Variants in RAB35 observed in about 807,000 individuals in gnomAD.
RAB35 encodes ras-related protein Rab-35.
RAB35 carries 4 observed loss-of-function variants against 28.9 expected under a neutral mutation model. The observed-to-expected ratio is 0.14, with a 90% CI of 0.07 to 0.32. The LOEUF (loss-of-function observed/expected upper bound fraction) is 0.32. RAB35 is among the 10% of genes least tolerant of loss of function. The pLI is 1.00. For missense variants in RAB35, 128 were observed against 274.0 expected (o/e 0.47, Z 3.76); for synonymous variants, 99 against 105.1 (o/e 0.94, Z 0.35).
At chr12:120,107,443 T>C in intron 2 of RAB35, among the ~76,000 whole-genome samples, 1 of 152,192 alleles carries the variant, frequency 6.6e-6, no homozygotes, top group East Asian at 1.9e-4. Flanking sequence ...AGGGGCACTT[T>C]CCACCCTTCA....
chr12:120,103,568 C>T lies in RAB35; in HGVS notation c.227+258G>A, dbSNP rs929493134. On this transcript the variant is annotated intron_variant, in intron 3 of 5. Coordinates refer to ENST00000229340, the MANE Select transcript of RAB35 (RefSeq NM_006861.7). The surrounding 1 kb of genome is among the most constrained non-coding windows in gnomAD (Gnocchi z 6.1). ...GTGGGCCGGAGGGTCGGCTGACTCTCCAAGGAGATAGAACATGGCCACTGT... is the reference window on the plus strand; with the variant it reads ...GTGGGCCGGAGGGTCGGCTGACTCTTCAAGGAGATAGAACATGGCCACTGT... 6.6e-6 allele frequency among the ~76,000 whole-genome samples: 1 copy of T among 152,232 alleles called. No individual in the cohort carries two copies. Among genetic ancestry groups the T allele is most frequent in the African/African-American group, 2.4e-5 (1 of 41,456 alleles).
chr12:120,104,693 G>C (rs1047736278), intron 2 of RAB35, among the ~76,000 whole-genome samples: 1 of 152,142 alleles, frequency 6.6e-6, no homozygotes, highest in Non-Finnish European at 1.5e-5. Context: ...GCCCAGGCTG[G>C]AGTGAAGTGG....
At position 120,097,031 on chromosome 12, in the gene RAB35, G is replaced by T. The variant is rs1361615895; in HGVS notation, c.*214C>A. On this transcript the variant is annotated 3_prime_UTR_variant, in exon 6 of 6. Transcript: ENST00000229340. ...GTCCAGGCGCCTTGGCCGGGGAGGA[G>T]GGGGCACCAGTAGGGAAGGGCGGGC... 3 of 1,518,860 alleles carry T rather than the reference G, an allele frequency of 2.0e-6. No individual in the cohort carries two copies. The highest frequency in any genetic ancestry group is 1.2e-5 in the South Asian group (1 of 83,404). The allele number at this position is 1,518,860 out of a possible 1,614,324, so 94.1% of individuals were successfully genotyped here.
chr12:120,107,214 C>T (rs1479689544), intron 2 of RAB35, among the ~76,000 whole-genome samples: 1 of 151,628 alleles, frequency 6.6e-6, no homozygotes. Context: ...GTCTCGAACT[C>T]CTGACCTCAT....
intron 3 of RAB35, among the ~76,000 whole-genome samples, chr12:120,102,163 G>A (rs1031212279): frequency 6.6e-6 from 1 of 152,220 alleles, no homozygotes; most frequent in South Asian, 2.1e-4. Flanking sequence ...TGAGTTAGGA[G>A]GCTTCATCCT....
chr12:120,105,411 CA>C (rs1427454775), intron 2 of RAB35, among the ~76,000 whole-genome samples: 2 of 152,126 alleles, frequency 1.3e-5, no homozygotes, highest in Non-Finnish European at 2.9e-5. Flanking sequence ...AAAGAATGAC[CA>C]GGGGGTAGGA....
At chr12:120,100,764 G>A (rs189077097) in intron 3 of RAB35, among the ~76,000 whole-genome samples, 13 of 152,334 alleles carry the variant, frequency 8.5e-5, no homozygotes, top group African/African-American at 2.9e-4. Flanking sequence ...TAGCTGTGAC[G>A]ATCAAGCTCT....
intron 4 of RAB35, 28 bp downstream of exon 4, chr12:120,099,002 C>G: frequency 6.2e-7 from 1 of 1,614,156 alleles, no homozygotes; most frequent in South Asian, 1.1e-5. Flanking sequence ...CCCACCCAAC[C>G]CCGACCCGGC....
In RAB35 at chr12:120,105,527, G is replaced by A. The variant is rs575379162; in HGVS notation, c.104-1578C>T. 2.2e-4 allele frequency among the ~76,000 whole-genome samples: 33 copies of A among 152,304 alleles called. No homozygotes were observed. In the South Asian group the frequency reaches 4.3e-3, roughly 20 times the overall value. On this transcript the variant is annotated intron_variant, in intron 2 of 5. Transcript: ENST00000229340. ...TCAGCAATGTCTGGAGGCATTTTTG[G>A]TTGTCACAGCAGGGGGAGGGAAGTG...
rs1308845019 is a variant in RAB35, at chr12:120,096,705, A to AG, written c.*539dup. ...AGGGAGCTGGCACAGGCCCCGGAGA[A>AG]GGGGCAAGACCCTGTGCAGCGGGGA... is the stretch of plus-strand genomic sequence containing the variant. On this transcript the variant is annotated 3_prime_UTR_variant, in exon 6 of 6. Transcript: ENST00000229340. 10 of 1,289,786 alleles carry AG rather than the reference A, an allele frequency of 7.8e-6. No individual in the cohort carries two copies. Among genetic ancestry groups the AG allele is most frequent in the Non-Finnish European group, 1.0e-5 (10 of 988,910 alleles). The allele number at this position is 1,289,786 out of a possible 1,614,324, so 79.9% of individuals were successfully genotyped here. A position where few individuals can be genotyped will look rare whatever the true frequency, so the allele number is the denominator to read the frequency against.
intron 1 of RAB35, among the ~76,000 whole-genome samples, chr12:120,114,169 C>T (rs1876236632): frequency 6.6e-6 from 1 of 152,200 alleles, no homozygotes; most frequent in Non-Finnish European, 1.5e-5. Flanking sequence ...TCTTGGTTCA[C>T]TGCAACTTCC....
Position 120,096,048 on chromosome 12 carries a change from C to T in RAB35, c.*1197G>A, listed in dbSNP as rs140505094. The T allele has an allele frequency of 0.013, 2,347 of 186,876 alleles. 22 individuals are homozygous for T. Among genetic ancestry groups the T allele is most frequent in the Non-Finnish European group, 0.017 (1,532 of 88,978 alleles). The allele number at this position is 186,876 out of a possible 1,614,324, so 11.6% of individuals were successfully genotyped here. On this transcript the variant is annotated 3_prime_UTR_variant, in exon 6 of 6. Transcript: ENST00000229340. The stretch of plus-strand genomic sequence containing the variant: ...ACTGGCCGCCCCAGCCATTCCTTCC[C>T]ACCCGCCAGGAAATCCTCTTGCTAC...
At chr12:120,106,441 T>C (rs1477274725) in intron 2 of RAB35, among the ~76,000 whole-genome samples, 2 of 152,190 alleles carry the variant, frequency 1.3e-5, no homozygotes, top group Non-Finnish European at 2.9e-5. Context: ...GCTTCTATTT[T>C]ACAAATGAAC....
At position 120,097,327 on chromosome 12, in the gene RAB35, T is replaced by C; in HGVS notation, c.524A>G (p.Asn175Ser). ...TELVLRAKKD[N>S]LAKQQQQQQN... ...TTGTTGCTGCTGCTGTTTTGCCAGG[T>C]TGTCTTTCTTTGCTCGGAGGACCAG... Residue 175 changes from asparagine to serine, a missense_variant, in exon 6 of 6, where the codon AAC (asparagine) becomes AGC (serine). Asn to Ser is a conservative substitution (Grantham distance 46). Transcript: ENST00000229340. 6.2e-7 allele frequency: 1 copy of C among 1,613,580 alleles called. No homozygotes were observed.
rs144556851 is a variant in RAB35, at chr12:120,096,971, G to C, written c.*274C>G. ...AATATACACTATGTACAGACTCTGC[G>C]AATCAGTCCGCTCGGCGGGCAGCGT... On this transcript the variant is annotated 3_prime_UTR_variant, in exon 6 of 6. Transcript: ENST00000229340. 6.9e-7 allele frequency: 1 copy of C among 1,450,916 alleles called. No individual in the cohort carries two copies. The highest frequency in any genetic ancestry group is 9.1e-7 in the Non-Finnish European group (1 of 1,093,132). The allele number at this position is 1,450,916 out of a possible 1,614,324, so 89.9% of individuals were successfully genotyped here.
At position 120,098,126 on chromosome 12, in the gene RAB35, C is replaced by T. The variant is rs576963718; in HGVS notation, c.477+685G>A. Among the ~76,000 whole-genome samples, 63 of 152,282 alleles carry T rather than the reference C, an allele frequency of 4.1e-4. No homozygotes were observed. The Middle Eastern group carries it at 0.01, about 25-fold the overall frequency. ...GTCTCGATCTCCTGACCTCGTGATC[C>T]GCCCGCCTCGGCCTCCCAAAGCACT... On this transcript the variant is annotated intron_variant, in intron 5 of 5. Coordinates refer to ENST00000229340, the MANE Select transcript of RAB35 (RefSeq NM_006861.7).
chr12:120,103,975 G>A lies in RAB35; in HGVS notation c.104-26C>T. ...CTGCACACACAGGGCAGTTAACGAG[G>A]CCCAGCGCGGTATCTTCCCAGGCCC... On this transcript the variant is annotated intron_variant, in intron 2 of 5. Coordinates refer to ENST00000229340, the MANE Select transcript of RAB35 (RefSeq NM_006861.7). This position sits in a 1 kb window ranked among gnomAD's most constrained non-coding sequence, Gnocchi z 6.1. 6.2e-7 allele frequency: 1 copy of A among 1,612,050 alleles called. No homozygotes were observed. Among genetic ancestry groups the A allele is most frequent in the Non-Finnish European group, 8.5e-7 (1 of 1,179,096 alleles).
At position 120,096,387 on chromosome 12, in the gene RAB35, C is replaced by T. The variant is rs1875392095; in HGVS notation, c.*858G>A. The T allele has an allele frequency of 3.2e-6, 4 of 1,247,584 alleles. No homozygotes were observed. Among genetic ancestry groups the T allele is most frequent in the Middle Eastern group, 2.2e-4 (1 of 4,508 alleles). 77.3% of individuals were successfully genotyped at this position (1,247,584 alleles called of 1,614,324 possible). A position where few individuals can be genotyped will look rare whatever the true frequency, so the allele number is the denominator to read the frequency against. ...AAATAATTGTGAGGAATTTAATTCA[C>T]TTGATTTGGCTTCATTTTCTTGATC... On this transcript the variant is annotated 3_prime_UTR_variant, in exon 6 of 6. Transcript: ENST00000229340.
chr12:120,099,971 C>G (rs1045786494), intron 3 of RAB35, among the ~76,000 whole-genome samples: 1 of 152,248 alleles, frequency 6.6e-6, no homozygotes, highest in South Asian at 2.1e-4. Flanking sequence ...TCAGCCAGAG[C>G]TGTCCCTCTG....
Sources: allele counts gnomAD v4.1 joint callset (sites outside exome capture counted in the v4.1 genomes callset), GRCh38; gene constraint gnomAD v4.1.1; non-coding constraint Gnocchi (gnomAD v3.1); transcripts MANE v1.5; gene names NCBI Gene and HGNC (gene_info 2026-07-23, HGNC 2026-07-21).